NF1: variants seen among roughly 807,000 people sequenced by gnomAD.
The protein encoded by NF1 is neurofibromin 1.
NF1 carries 122 observed loss-of-function variants against 325.7 expected under a neutral mutation model. The observed-to-expected ratio is 0.37, with a 90% CI of 0.32 to 0.44. The LOEUF is 0.44. NF1 is among the 20% of genes least tolerant of loss of function. NF1 has a pLI of 1.00. For synonymous variants in NF1, 1,091 were observed against 1,186.0 expected, an observed-to-expected ratio of 0.92 and a Z score of 1.65; for missense variants, 2,140 against 3,415.4, an observed-to-expected ratio of 0.63 and a Z score of 9.31.
At chr17:31,144,024 C>A (rs2040279006) in intron 1 of NF1, among the ~76,000 whole-genome samples, 1 of 151,992 alleles carries the variant, frequency 6.6e-6, no homozygotes, top group South Asian at 2.1e-4. Context: ...AGGGTTTCAC[C>A]GTATTAGTCA....
intron 36 of NF1, among the ~76,000 whole-genome samples, chr17:31,322,207 G>A (rs1485695360): frequency 2.0e-5 from 3 of 151,798 alleles, no homozygotes; most frequent in Admixed American, 1.3e-4. Context: ...GGCTGAACAC[G>A]GTGGCTCACA....
At chr17:31,236,539 G>C (rs1490884318) in intron 29 of NF1, among the ~76,000 whole-genome samples, 2 of 151,800 alleles carry the variant, frequency 1.3e-5, no homozygotes, top group African/African-American at 2.4e-5. Context: ...TCCCAGGTTC[G>C]TGTGATTCTC....
chr17:31,165,552 A>G (rs147258212), intron 4 of NF1, among the ~76,000 whole-genome samples: 36 of 152,180 alleles, frequency 2.4e-4, no homozygotes, highest in Admixed American at 2.2e-3. Context: ...TATGTTTTAT[A>G]TATAATAGAT....
intron 57 of NF1, chr17:31,362,313 T>C (rs1443011923): frequency 1.0e-6 from 1 of 985,354 alleles, no homozygotes; most frequent in Non-Finnish European, 1.2e-6. Context: ...AATTCCTTCC[T>C]GCTTCCCCGC....
At chr17:31,131,834 A>G (rs1915415175) in intron 1 of NF1, among the ~76,000 whole-genome samples, 1 of 150,506 alleles carries the variant, frequency 6.6e-6, no homozygotes, top group South Asian at 2.1e-4. Flanking sequence ...GAGTTTATAT[A>G]ATCTATTTAA....
intron 8 of NF1, among the ~76,000 whole-genome samples, chr17:31,190,986 A>G (rs1463815398): frequency 6.6e-6 from 1 of 152,182 alleles, no homozygotes; most frequent in Non-Finnish European, 1.5e-5. Context: ...CTCATTTTAG[A>G]ATGTATAAGT....
chr17:31,312,950 TTATAC>T (rs1372030479), intron 36 of NF1, among the ~76,000 whole-genome samples: 19 of 152,184 alleles, frequency 1.2e-4, no homozygotes, highest in South Asian at 2.1e-4. Flanking sequence ...TTCTTCTATC[TTATAC>T]TATGTTCTAA....
chr17:31,155,417 CTGAG>C (rs1265920335), intron 1 of NF1, among the ~76,000 whole-genome samples: 2 of 152,132 alleles, frequency 1.3e-5, no homozygotes, highest in South Asian at 2.1e-4. Context: ...GCTTATCTTA[CTGAG>C]TGAGTCTTAC....
At chr17:31,245,907 C>T (rs17883349) in intron 29 of NF1, among the ~76,000 whole-genome samples, 2,900 of 152,212 alleles carry the variant, frequency 0.019, 104 homozygotes, top group African/African-American at 0.066. Context: ...ACCCTCTAAT[C>T]GAAACTTGGT....
At chr17:31,208,820 G>A (rs1264816086) in intron 12 of NF1, among the ~76,000 whole-genome samples, 1 of 152,102 alleles carries the variant, frequency 6.6e-6, no homozygotes, top group African/African-American at 2.4e-5. Context: ...GAACCTGGGA[G>A]GCAGAGGTTG....
chr17:31,351,960 A>T (rs1383378865), intron 50 of NF1, among the ~76,000 whole-genome samples: 1 of 152,044 alleles, frequency 6.6e-6, no homozygotes, highest in Non-Finnish European at 1.5e-5. Context: ...CAGGAAAGCT[A>T]AGAGATTGGA....
rs7226179 is a variant in NF1, at chr17:31,280,216, T to A, written c.4835+14877T>A. Among the ~76,000 whole-genome samples, 328 of 137,618 alleles carry A rather than the reference T, an allele frequency of 2.4e-3. 1 individual carries two copies. The highest frequency in any genetic ancestry group is 8.2e-3 in the African/African-American group (309 of 37,774). The allele number at this position is 137,618 out of a possible 152,430, so 90.3% of individuals were successfully genotyped here. On this transcript the variant is annotated intron_variant, in intron 36 of 57. Transcript: ENST00000358273. ...CATATAAAGTTTTTTTTTAATTTTT[T>A]TTTTTTTTAAAAAAGAAAGAAATGT...
chr17:31,250,860 A>G (rs1157044041), intron 30 of NF1: 1 of 186,738 alleles, frequency 5.4e-6, no homozygotes, highest in Non-Finnish European at 1.1e-5. Context: ...ATCCTATATT[A>G]TTTTAATAAC....
intron 36 of NF1, chr17:31,295,244 G>A (rs1488716436): frequency 6.2e-7 from 1 of 1,613,980 alleles, no homozygotes; most frequent in East Asian, 2.2e-5. Flanking sequence ...GCTTGTGTTT[G>A]TGACCATTCC....
chr17:31,294,867 C>A, intron 36 of NF1: 1 of 1,076,676 alleles, frequency 9.3e-7, no homozygotes. Flanking sequence ...CAAGTTACTT[C>A]ATTTACATCA....
intron 31 of NF1, among the ~76,000 whole-genome samples, chr17:31,255,899 C>T (rs891057041): frequency 6.6e-6 from 1 of 152,144 alleles, no homozygotes; most frequent in Admixed American, 6.5e-5. Context: ...TTTGAAAGCT[C>T]TCCATGTGTT....
chr17:31,320,289 A>C, intron 36 of NF1: 3 of 1,133,064 alleles, frequency 2.6e-6, no homozygotes, highest in Non-Finnish European at 3.6e-6. Context: ...CTGGTTAAGA[A>C]CCCTACGTAT....
intron 36 of NF1, chr17:31,295,269 TAGTTAG>T (rs2068438551): frequency 6.2e-7 from 1 of 1,613,994 alleles, no homozygotes; most frequent in South Asian, 1.1e-5. Context: ...TGGAGATGAA[TAGTTAG>T]AGTTGCAGCT....
At chr17:31,181,336 T>TA (rs746252020) in intron 5 of NF1, 86 bp from the exon 6 acceptor site, 5 of 1,233,292 alleles carry the variant, frequency 4.1e-6, no homozygotes, top group Non-Finnish European at 5.9e-6. Flanking sequence ...GCAAAAGTAA[T>TA]ACGTAAATGG....
Sources: gnomAD v4.1 joint callset for allele counts (sites outside exome capture counted in the v4.1 genomes callset) on GRCh38, gnomAD v4.1.1 for gene constraint, MANE v1.5 for transcripts, NCBI Gene and HGNC (gene_info 2026-07-23, HGNC 2026-07-21) for gene names.